The following PDE11A variants were observed in gnomAD, a reference collection of about 807,000 sequenced individuals.
The protein encoded by PDE11A is dual 3',5'-cyclic-AMP and -GMP phosphodiesterase 11A.
Under a neutral mutation model 100.5 loss-of-function variants are expected in PDE11A, and 100 were observed. The ratio of observed to expected loss-of-function variants is 1.00; its 90% CI spans 0.85 to 1.18. The LOEUF is 1.18. Among genes scored for constraint, PDE11A ranks in the 50% most tolerant of loss-of-function variants. The pLI is 0.00. For synonymous variants in PDE11A, 381 were observed against 420.8 expected, an observed-to-expected ratio of 0.91 and a Z score of 1.16; for missense variants, 1,141 against 1,152.6, an observed-to-expected ratio of 0.99 and a Z score of 0.15.
intron 1 of PDE11A, among the ~76,000 whole-genome samples, chr2:178,032,563 C>T (rs1043550402): frequency 6.6e-5 from 10 of 152,174 alleles, no homozygotes; most frequent in African/African-American, 2.4e-4. Flanking sequence ...GGACAGAATG[C>T]CTCCTCAAGT....
At chr2:177,850,749 G>C (rs887237993) in intron 5 of PDE11A, among the ~76,000 whole-genome samples, 24 of 152,104 alleles carry the variant, frequency 1.6e-4, no homozygotes, top group African/African-American at 5.5e-4. Context: ...ACTTCTCAAA[G>C]GAAGAAATTT....
intron 1 of PDE11A, among the ~76,000 whole-genome samples, chr2:178,031,971 C>G (rs1287554287): frequency 6.6e-6 from 1 of 152,020 alleles, no homozygotes; most frequent in Non-Finnish European, 1.5e-5. Flanking sequence ...GATAGTAATA[C>G]AGGCATAGAT....
intron 10 of PDE11A, among the ~76,000 whole-genome samples, chr2:177,740,309 T>A (rs73030323): frequency 0.013 from 1,973 of 152,338 alleles, 40 homozygotes; most frequent in African/African-American, 0.045. Context: ...AGCTTTAATT[T>A]AAAAAATTAA....
intron 12 of PDE11A, among the ~76,000 whole-genome samples, chr2:177,721,345 T>G (rs1474324184): frequency 1.3e-5 from 2 of 152,170 alleles, no homozygotes; most frequent in Non-Finnish European, 2.9e-5. Context: ...CAACACTATT[T>G]CATTCTCAAG....
At chr2:177,928,237 A>C (rs944113031) in intron 2 of PDE11A, among the ~76,000 whole-genome samples, 3 of 152,166 alleles carry the variant, frequency 2.0e-5, no homozygotes, top group Non-Finnish European at 2.9e-5. Flanking sequence ...TGATTCTAAG[A>C]ATAAACTGTA....
chr2:177,839,328 T>C (rs1019132860), intron 6 of PDE11A, among the ~76,000 whole-genome samples: 1 of 152,214 alleles, frequency 6.6e-6, no homozygotes, highest in Non-Finnish European at 1.5e-5. Context: ...TGACATCTAC[T>C]TCTCAGGGTT....
At chr2:178,064,977 G>GA (rs377766244) in intron 1 of PDE11A, among the ~76,000 whole-genome samples, 1 of 151,606 alleles carries the variant, frequency 6.6e-6, no homozygotes, top group African/African-American at 2.4e-5. Context: ...ACCAATTAAT[G>GA]AAAAAAACCT....
chr2:177,665,071 A>G (rs1375050603), intron 18 of PDE11A, among the ~76,000 whole-genome samples: 2 of 152,154 alleles, frequency 1.3e-5, no homozygotes, highest in Admixed American at 1.3e-4. Context: ...TTGTCTTGCA[A>G]TGGAAGATGG....
intron 2 of PDE11A, among the ~76,000 whole-genome samples, chr2:178,089,295 G>C (rs1480216849): frequency 6.6e-6 from 1 of 152,210 alleles, no homozygotes; most frequent in African/African-American, 2.4e-5. Flanking sequence ...TTAAAGACAG[G>C]AAGAAAGATG....
intron 9 of PDE11A, among the ~76,000 whole-genome samples, chr2:177,802,020 AAAGAC>A (rs2082802075): frequency 6.6e-6 from 1 of 152,130 alleles, no homozygotes; most frequent in Non-Finnish European, 1.5e-5. Flanking sequence ...TCAACAATAA[AAAGAC>A]AAGCAATCCT....
intron 5 of PDE11A, among the ~76,000 whole-genome samples, chr2:177,854,084 G>T (rs1049682657): frequency 1.3e-5 from 2 of 151,694 alleles, no homozygotes; most frequent in Non-Finnish European, 2.9e-5. Flanking sequence ...AACTGCTAAG[G>T]TTTCTAAATT....
intron 2 of PDE11A, among the ~76,000 whole-genome samples, chr2:178,103,818 C>G (rs1319766429): frequency 2.0e-5 from 3 of 151,954 alleles, no homozygotes; most frequent in Non-Finnish European, 4.4e-5. Flanking sequence ...CCAGGAATGA[C>G]AAATTGCTTT....
chr2:177,766,990 T>G (rs753431351), intron 10 of PDE11A, among the ~76,000 whole-genome samples: 15 of 152,164 alleles, frequency 9.9e-5, no homozygotes, highest in Non-Finnish European at 2.1e-4. Flanking sequence ...TCCAGGACAA[T>G]GTTTTCTTTA....
At chr2:177,702,930 AAT>A (rs1255468971) in intron 13 of PDE11A, among the ~76,000 whole-genome samples, 2 of 152,200 alleles carry the variant, frequency 1.3e-5, no homozygotes, top group Non-Finnish European at 2.9e-5. Context: ...GTGATAAATT[AAT>A]ACTTAATGTT....
chr2:177,994,993 G>A (rs2086052734), intron 2 of PDE11A, among the ~76,000 whole-genome samples: 2 of 152,152 alleles, frequency 1.3e-5, no homozygotes, highest in African/African-American at 2.4e-5. Context: ...AAAGGGAAGA[G>A]TGAGGGGTAA....
chr2:177,729,886 T>G (rs565495617), intron 10 of PDE11A, among the ~76,000 whole-genome samples: 25 of 152,146 alleles, frequency 1.6e-4, no homozygotes, highest in Middle Eastern at 3.4e-3. Context: ...TATTACAGGT[T>G]TTTGCTTTGT....
intron 2 of PDE11A, among the ~76,000 whole-genome samples, chr2:178,098,154 G>C (rs1220648905): frequency 1.3e-5 from 2 of 152,174 alleles, no homozygotes; most frequent in Non-Finnish European, 2.9e-5. Flanking sequence ...ATAAAATCCT[G>C]AGCAATTAAA....
At chr2:177,669,472 A>G (rs1297267125) in intron 18 of PDE11A, 21 bp downstream of exon 18, 5 of 958,170 alleles carry the variant, frequency 5.2e-6, no homozygotes, top group African/African-American at 3.2e-5. Flanking sequence ...TAAATACGTT[A>G]TAATTAAAGG....
intron 1 of PDE11A, among the ~76,000 whole-genome samples, chr2:178,047,396 G>A (rs2086764812): frequency 6.6e-6 from 1 of 151,436 alleles, no homozygotes; most frequent in African/African-American, 2.4e-5. Flanking sequence ...CCAGGAGGCG[G>A]AGGTTGCAGT....
Sources: gnomAD v4.1 joint callset for allele counts (sites outside exome capture counted in the v4.1 genomes callset) on GRCh38, gnomAD v4.1.1 for gene constraint, MANE v1.5 for transcripts, NCBI Gene and HGNC (gene_info 2026-07-23, HGNC 2026-07-21) for gene names.